Variants in WNT3A observed in about 807,000 individuals in gnomAD.
The protein encoded by WNT3A is protein Wnt-3a.
A neutral mutation model predicts 37.0 loss-of-function variants in WNT3A; 17 were observed. The observed-to-expected ratio is 0.46, with a 90% CI of 0.31 to 0.69. The LOEUF (loss-of-function observed/expected upper bound fraction) is 0.69. Among genes scored for constraint, WNT3A ranks in the 30% least tolerant of loss-of-function variants. WNT3A has a pLI of 0.05. For synonymous variants in WNT3A, 187 were observed against 211.0 expected (o/e 0.89, Z 0.99); for missense variants, 411 against 510.2 (o/e 0.81, Z 1.87).
At chr1:228,041,896 T>C (rs940695236) in intron 2 of WNT3A, among the ~76,000 whole-genome samples, 2 of 152,198 alleles carry the variant, frequency 1.3e-5, no homozygotes, top group African/African-American at 4.8e-5. Context: ...TCTGTTTTAT[T>C]ATCACCAGGA....
At chr1:228,021,487 C>G (rs1282176721) in intron 1 of WNT3A, among the ~76,000 whole-genome samples, 1 of 152,124 alleles carries the variant, frequency 6.6e-6, no homozygotes, top group East Asian at 1.9e-4. Flanking sequence ...CACAGTTGAG[C>G]CCCTCCTCCC....
intron 1 of WNT3A, among the ~76,000 whole-genome samples, chr1:228,018,281 G>A (rs1001222828): frequency 7.9e-5 from 12 of 152,190 alleles, no homozygotes; most frequent in African/African-American, 2.4e-4. Flanking sequence ...TGTGGGAGGA[G>A]GAAGTTACAG....
intron 1 of WNT3A, among the ~76,000 whole-genome samples, chr1:228,021,690 A>G (rs2030711857): frequency 6.6e-6 from 1 of 152,242 alleles, no homozygotes. Context: ...CTAGGGGTAC[A>G]TAGCCAAAAG....
rs1275173551 is a variant in WNT3A at position 228,059,776 on chromosome 1, G to T, written c.*311G>T. 1 of 1,188,018 alleles carries T rather than the reference G, an allele frequency of 8.4e-7. No individual in the cohort carries two copies. Among genetic ancestry groups the T allele is most frequent in the Non-Finnish European group, 1.0e-6 (1 of 957,988 alleles). 73.6% of individuals were successfully genotyped at this position (1,188,018 alleles called of 1,614,324 possible). On this transcript the variant is annotated 3_prime_UTR_variant, in exon 4 of 4. Transcript: ENST00000284523. ...GGACAGAGGCGGGGCTACAGATTGG[G>T]CGGGGCTTCTCTTGGGTGGGACAGG... is the stretch of plus-strand genomic sequence containing the variant.
intron 2 of WNT3A, among the ~76,000 whole-genome samples, chr1:228,028,292 ATTTTTTT>A (rs56294253): frequency 8.3e-6 from 1 of 120,220 alleles, no homozygotes; most frequent in African/African-American, 3.3e-5. Flanking sequence ...GTTACATATA[ATTTTTTT>A]TTTTTTTTTT....
rs2031748116 is a variant in WNT3A, at chr1:228,059,424, C to G, written c.1018C>G (p.Gln340Glu). Residue 340 changes from glutamine (Q) to glutamate (E), a missense_variant, in exon 4 of 4, where the codon CAG becomes GAG. By Grantham distance (29) the Gln-to-Glu change is conservative. Coordinates refer to ENST00000284523, the MANE Select transcript of WNT3A (RefSeq NM_033131.4). ...VFHWCCYVSCQECTRVYDVHT... is the reference protein window; with the variant it reads ...VFHWCCYVSCEECTRVYDVHT... The stretch of plus-strand genomic sequence containing the variant: ...CCACTGGTGCTGCTACGTCAGCTGC[C>G]AGGAGTGCACGCGCGTCTACGACGT... 1 of 1,542,042 alleles carries G rather than the reference C, an allele frequency of 6.5e-7. No individual in the cohort carries two copies. Among genetic ancestry groups the G allele is most frequent in the South Asian group, 1.2e-5 (1 of 81,536 alleles).
Position 228,058,979 on chromosome 1 carries a change from C to T in WNT3A, c.580-7C>T, listed in dbSNP as rs1279460920. 6.2e-7 allele frequency: 1 copy of T among 1,603,732 alleles called. No homozygotes were observed. The highest frequency in any genetic ancestry group is 1.7e-5 in the Admixed American group (1 of 59,310). On this transcript the variant is annotated splice_polypyrimidine_tract_variant and splice_region_variant and intron_variant, in intron 3 of 3. Transcript: ENST00000284523. ...CCCTGACGCTGGCTCCTGCGCGTGCCCCGCAGGCCATCGCCAGCCACATGC... is the reference window on the plus strand; with the variant it reads ...CCCTGACGCTGGCTCCTGCGCGTGCTCCGCAGGCCATCGCCAGCCACATGC...
chr1:228,023,448 C>CAG (rs957018084), intron 2 of WNT3A, among the ~76,000 whole-genome samples: 5 of 150,750 alleles, frequency 3.3e-5, no homozygotes, highest in South Asian at 2.1e-4. Context: ...GAGACAAAGA[C>CAG]AGAGAGAGAG....
intron 1 of WNT3A, among the ~76,000 whole-genome samples, chr1:228,014,298 GCAAA>G (rs963735665): frequency 6.6e-6 from 1 of 152,188 alleles, no homozygotes; most frequent in Non-Finnish European, 1.5e-5. Flanking sequence ...GAGAGAAAGA[GCAAA>G]CAAACAAGCG....
At chr1:228,045,941 A>G (rs939594474) in intron 2 of WNT3A, among the ~76,000 whole-genome samples, 3 of 152,200 alleles carry the variant, frequency 2.0e-5, no homozygotes, top group Non-Finnish European at 4.4e-5. Flanking sequence ...TGAGCCAAAC[A>G]GTCCCTGCCC....
At chr1:228,032,731 CT>C (rs2031042452) in intron 2 of WNT3A, among the ~76,000 whole-genome samples, 1 of 152,202 alleles carries the variant, frequency 6.6e-6, no homozygotes, top group Non-Finnish European at 1.5e-5. Context: ...CCATGCTTAA[CT>C]TTTTGAGGAA....
Position 228,059,901 on chromosome 1 carries a change from G to T in WNT3A, c.*436G>T. On this transcript the variant is annotated 3_prime_UTR_variant, in exon 4 of 4. Transcript: ENST00000284523. ...ACCTGCAGGCGGGGCTCCTCCTGAA[G>T]GAGGCGGGGCTCTAGGATGGGGCAC... The T allele has an allele frequency of 9.6e-7, 1 of 1,043,152 alleles. No individual in the cohort carries two copies. The highest frequency in any genetic ancestry group is 5.2e-5 in the Admixed American group (1 of 19,206). The allele number at this position is 1,043,152 out of a possible 1,614,324, so 64.6% of individuals were successfully genotyped here. A position where few individuals can be genotyped will look rare whatever the true frequency, so the allele number is the denominator to read the frequency against.
In WNT3A at chr1:228,059,557, G is replaced by A. The variant is rs888293476; in HGVS notation, c.*92G>A. The A allele has an allele frequency of 2.1e-6, 3 of 1,412,374 alleles. No homozygotes were observed. The highest frequency in any genetic ancestry group is 3.1e-5 in the South Asian group (2 of 64,892). 87.5% of individuals were successfully genotyped at this position (1,412,374 alleles called of 1,614,324 possible). A position where few individuals can be genotyped will look rare whatever the true frequency, so the allele number is the denominator to read the frequency against. The stretch of plus-strand genomic sequence containing the variant: ...GCAGGACTCCCACCTAAACGGGGCA[G>A]TACTCCTCCCTGGGGGCGGGACTCC... On this transcript the variant is annotated 3_prime_UTR_variant, in exon 4 of 4. Coordinates refer to ENST00000284523, the MANE Select transcript of WNT3A (RefSeq NM_033131.4).
intron 2 of WNT3A, among the ~76,000 whole-genome samples, chr1:228,047,563 A>T (rs540695839): frequency 2.0e-5 from 3 of 152,134 alleles, no homozygotes; most frequent in African/African-American, 4.8e-5. Flanking sequence ...GTCCTCTCCT[A>T]GGCAGCCTGC....
chr1:228,020,612 G>C (rs2030676938), intron 1 of WNT3A, among the ~76,000 whole-genome samples: 1 of 152,240 alleles, frequency 6.6e-6, no homozygotes, highest in Non-Finnish European at 1.5e-5. Flanking sequence ...CACCAACCCA[G>C]GCTGCATCAG....
Position 228,022,565 on chromosome 1 carries a change from C to T in WNT3A, c.72-102C>T, listed in dbSNP as rs1337146325. ...CCTTCATGGTGGAAGCTGCGTCTCG[C>T]CCCCCGAATGCACTTGAGGCCCCAG... On this transcript the variant is annotated intron_variant, in intron 1 of 3. Transcript: ENST00000284523. The T allele has an allele frequency of 1.4e-5, 20 of 1,393,638 alleles. 1 individual carries two copies. The East Asian group carries it at 4.1e-4, about 29-fold the overall frequency. 86.3% of individuals were successfully genotyped at this position (1,393,638 alleles called of 1,614,324 possible). A position where few individuals can be genotyped will look rare whatever the true frequency, so the allele number is the denominator to read the frequency against.
chr1:228,036,645 T>G (rs1013923781), intron 2 of WNT3A, among the ~76,000 whole-genome samples: 2 of 152,140 alleles, frequency 1.3e-5, no homozygotes, highest in East Asian at 3.9e-4. Flanking sequence ...TTGAGGAATT[T>G]TAAGTGCATG....
At chr1:228,048,615 A>T (rs1448420970) in intron 2 of WNT3A, among the ~76,000 whole-genome samples, 4 of 152,082 alleles carry the variant, frequency 2.6e-5, no homozygotes, top group Non-Finnish European at 5.9e-5. Flanking sequence ...CCCAGGCTGG[A>T]GTGCAGTGGT....
chr1:228,050,111 G>A lies in WNT3A; in HGVS notation c.314-545G>A, dbSNP rs941524703. 4.6e-5 allele frequency among the ~76,000 whole-genome samples: 7 copies of A among 152,132 alleles called. No individual in the cohort carries two copies. Among genetic ancestry groups the A allele is most frequent in the African/African-American group, 1.4e-4 (6 of 41,490 alleles). ...TTTAAGACAGGGCTGGAGTGCAGTG[G>A]TGCTATCCTGGCTCACTGCAGCCTC... On this transcript the variant is annotated intron_variant, in intron 2 of 3. Coordinates refer to ENST00000284523, the MANE Select transcript of WNT3A (RefSeq NM_033131.4). The surrounding 1 kb of genome is among the most constrained non-coding windows in gnomAD (Gnocchi z 5.0).
Sources: gnomAD v4.1 joint callset for allele counts (sites outside exome capture counted in the v4.1 genomes callset) on GRCh38, gnomAD v4.1.1 for gene constraint, Gnocchi (gnomAD v3.1) non-coding constraint, MANE v1.5 for transcripts, NCBI Gene and HGNC (gene_info 2026-07-23, HGNC 2026-07-21) for gene names.